Variants in ANO4 observed in about 807,000 individuals in gnomAD.
ANO4 encodes the protein anoctamin-4.
A neutral mutation model predicts 141.9 loss-of-function variants in ANO4; 69 were observed. The observed-to-expected ratio is 0.49, with a 90% CI of 0.40 to 0.59. The LOEUF (loss-of-function observed/expected upper bound fraction) is 0.59, where lower values mean the gene tolerates loss of function less well. Among genes scored for constraint, ANO4 ranks in the 20% least tolerant of loss-of-function variants. ANO4 has a pLI of 0.00. For synonymous variants in ANO4, 350 were observed against 394.3 expected, an observed-to-expected ratio of 0.89 and a Z score of 1.33; for missense variants, 894 against 1,162.2, an observed-to-expected ratio of 0.77 and a Z score of 3.36.
chr12:100,924,780 C>T (rs1230723185), intron 3 of ANO4, among the ~76,000 whole-genome samples: 1 of 151,934 alleles, frequency 6.6e-6, no homozygotes, highest in Non-Finnish European at 1.5e-5. Flanking sequence ...GGCTTCCATG[C>T]AAGTGCTAGA....
At chr12:100,912,417 G>GAAAA (rs10641222) in intron 2 of ANO4, among the ~76,000 whole-genome samples, 1 of 121,012 alleles carries the variant, frequency 8.3e-6, no homozygotes, top group African/African-American at 3.1e-5. Context: ...AAAGAAAAAA[G>GAAAA]AAAAAAAAAA....
intron 7 of ANO4, among the ~76,000 whole-genome samples, chr12:100,978,947 A>G (rs1334768304): frequency 6.6e-6 from 1 of 152,160 alleles, no homozygotes; most frequent in Non-Finnish European, 1.5e-5. Flanking sequence ...GAGAGTGGTA[A>G]TGCTAGAGAA....
intron 14 of ANO4, among the ~76,000 whole-genome samples, chr12:101,075,735 A>ATG (rs2048999822): frequency 6.7e-6 from 1 of 148,402 alleles, no homozygotes; most frequent in African/African-American, 2.5e-5. Context: ...ATCTTTATAT[A>ATG]TATATATATA....
At chr12:101,001,585 T>C (rs934578961) in intron 8 of ANO4, among the ~76,000 whole-genome samples, 14 of 152,214 alleles carry the variant, frequency 9.2e-5, no homozygotes, top group African/African-American at 3.1e-4. Context: ...CCCATGCTCC[T>C]TCCATAATAC....
intron 9 of ANO4, among the ~76,000 whole-genome samples, chr12:101,023,954 A>G (rs532851471): frequency 2.0e-5 from 3 of 152,350 alleles, no homozygotes; most frequent in African/African-American, 4.8e-5. Flanking sequence ...GGCATCTTGC[A>G]TGAGCCAACA....
At chr12:100,944,069 T>C (rs141199884) in intron 5 of ANO4, among the ~76,000 whole-genome samples, 46 of 152,372 alleles carry the variant, frequency 3.0e-4, no homozygotes, top group Non-Finnish European at 4.3e-4. Context: ...TTAAGCTTCA[T>C]AAGTATTCTC....
At chr12:100,803,629 G>A (rs988527374) in intron 1 of ANO4, among the ~76,000 whole-genome samples, 5 of 152,242 alleles carry the variant, frequency 3.3e-5, no homozygotes, top group South Asian at 2.1e-4. Context: ...GCGGTGGAGT[G>A]CCTGGGCTCT....
intron 1 of ANO4, among the ~76,000 whole-genome samples, chr12:100,733,130 A>G (rs1289435291): frequency 6.6e-6 from 1 of 152,192 alleles, no homozygotes; most frequent in Non-Finnish European, 1.5e-5. Context: ...CCACAAAGTG[A>G]TCTTCCTAAA....
At chr12:100,826,995 G>A (rs149833148) in intron 1 of ANO4, among the ~76,000 whole-genome samples, 82 of 152,038 alleles carry the variant, frequency 5.4e-4, no homozygotes, top group African/African-American at 1.8e-3. Context: ...CTAACTGGCC[G>A]TCCTACTTAT....
intron 5 of ANO4, among the ~76,000 whole-genome samples, chr12:100,962,454 C>G (rs566212537): frequency 1.3e-5 from 2 of 152,276 alleles, no homozygotes; most frequent in South Asian, 4.1e-4. Context: ...AACTTCAAGG[C>G]TTCAAGCAAC....
intron 2 of ANO4, 150 bp downstream of exon 2, chr12:100,901,990 G>A: frequency 1.3e-6 from 1 of 756,888 alleles, no homozygotes. Flanking sequence ...GCTCACCTCA[G>A]TCAATGGTAA....
At chr12:100,987,859 C>G (rs2044786389) in intron 8 of ANO4, among the ~76,000 whole-genome samples, 189 bp downstream of exon 8, 1 of 152,124 alleles carries the variant, frequency 6.6e-6, no homozygotes, top group African/African-American at 2.4e-5. Flanking sequence ...ACCAACAATC[C>G]CTGCATCTCA....
chr12:100,900,556 G>C (rs151282462), intron 1 of ANO4, among the ~76,000 whole-genome samples: 2 of 150,960 alleles, frequency 1.3e-5, no homozygotes, highest in African/African-American at 4.9e-5. Flanking sequence ...GCAGTGTTTG[G>C]GTTTTTCTGT....
intron 5 of ANO4, among the ~76,000 whole-genome samples, chr12:100,967,227 T>TTGTATTCCCGGGAA (rs1305630090): frequency 6.6e-6 from 1 of 152,134 alleles, no homozygotes; most frequent in Non-Finnish European, 1.5e-5. Flanking sequence ...TTCCCAGGAA[T>TTGTATTCCCGGGAA]TTGTATTGCA....
rs1237534191 is a variant in ANO4, at chr12:101,080,878, A to AT, written c.1395+1604dup. ...TTCTAGGTTCTAGATATATATATAT[A>AT]TATATTATATATATATATATATACA... On this transcript the variant is annotated intron_variant, in intron 15 of 27. Coordinates refer to ENST00000392977, the MANE Select transcript of ANO4 (RefSeq NM_001286615.2). Among the ~76,000 whole-genome samples, 125 of 99,910 alleles carry AT rather than the reference A, an allele frequency of 1.3e-3. 2 individuals carry two copies. Among genetic ancestry groups the AT allele is most frequent in the East Asian group, 4.6e-3 (7 of 1,516 alleles). The allele number at this position is 99,910 out of a possible 152,430, so 65.5% of individuals were successfully genotyped here. A position where few individuals can be genotyped will look rare whatever the true frequency, so the allele number is the denominator to read the frequency against.
chr12:100,974,816 G>T, intron 6 of ANO4, 29 bp from the exon 7 acceptor site: 1 of 1,612,972 alleles, frequency 6.2e-7, no homozygotes, highest in Non-Finnish European at 8.5e-7. Context: ...TTTTCTTCTC[G>T]ACTGGCTTCA....
intron 1 of ANO4, among the ~76,000 whole-genome samples, chr12:100,728,402 C>G (rs1461079670): frequency 6.6e-6 from 1 of 152,130 alleles, no homozygotes; most frequent in African/African-American, 2.4e-5. Flanking sequence ...AACTGACTGT[C>G]AAAGATGTAA....
chr12:100,966,863 A>G (rs200774705), intron 5 of ANO4, among the ~76,000 whole-genome samples: 11 of 100,974 alleles, frequency 1.1e-4, no homozygotes, highest in East Asian at 8.4e-4. Flanking sequence ...ACACACATGT[A>G]TATATATATA....
In ANO4 at chr12:101,065,825, C is replaced by A. The variant is rs144630481; in HGVS notation, c.1313-13368C>A. Among the ~76,000 whole-genome samples the A allele has an allele frequency of 7.4e-3, 1,127 of 152,164 alleles. 11 individuals carry two copies. The highest frequency in any genetic ancestry group is 0.014 in the Admixed American group (208 of 15,282). On this transcript the variant is annotated intron_variant, in intron 14 of 27. Transcript: ENST00000392977. ...CACATCAAAAAAAGAAAACTACAGGCCAATATCTTTGATTAATATTGAATC... is the reference window on the plus strand; with the variant it reads ...CACATCAAAAAAAGAAAACTACAGGACAATATCTTTGATTAATATTGAATC...
Sources: allele counts gnomAD v4.1 joint callset (sites outside exome capture counted in the v4.1 genomes callset), GRCh38; gene constraint gnomAD v4.1.1; transcripts MANE v1.5; gene names NCBI Gene and HGNC (gene_info 2026-07-23, HGNC 2026-07-21).